DCDC2: variants seen among roughly 807,000 people sequenced by gnomAD.
The protein encoded by DCDC2 is doublecortin domain containing 2.
Under a neutral mutation model 50.2 loss-of-function variants are expected in DCDC2, and 40 were observed. The observed-to-expected ratio is 0.80, with a 90% CI of 0.62 to 1.04. DCDC2 has a LOEUF of 1.04. Among genes scored for constraint, DCDC2 ranks in the 50% least tolerant of loss-of-function variants. DCDC2 has a pLI of 0.00. For synonymous variants in DCDC2, 234 were observed against 210.6 expected (o/e 1.11, Z -0.96); for missense variants, 570 against 581.9 (o/e 0.98, Z 0.21).
chr6:24,190,649 C>G (rs930775342), intron 8 of DCDC2, among the ~76,000 whole-genome samples: 5 of 151,964 alleles, frequency 3.3e-5, no homozygotes, highest in Admixed American at 6.6e-5. Context: ...TGTTTAACAC[C>G]ATTTCTATCA....
intron 2 of DCDC2, among the ~76,000 whole-genome samples, chr6:24,335,168 C>T (rs549928473): frequency 6.6e-6 from 1 of 152,244 alleles, no homozygotes; most frequent in East Asian, 1.9e-4. Flanking sequence ...AAGGGAAGAC[C>T]TGGTACTTTG....
At position 24,304,956 on chromosome 6, in the gene DCDC2, G is replaced by A. The variant is rs78437387; in HGVS notation, c.349-2912C>T. Among the ~76,000 whole-genome samples, 81 of 152,228 alleles carry A rather than the reference G, an allele frequency of 5.3e-4. No homozygotes were observed. The East Asian group carries it at 0.015, about 28-fold the overall frequency. On this transcript the variant is annotated intron_variant, in intron 2 of 9. Coordinates refer to ENST00000378454, the MANE Select transcript of DCDC2 (RefSeq NM_016356.5). ...AGCAATGCACTAAGCACATACAGAG[G>A]ATGCTCTGCTGTTATCTCTTCAATA...
chr6:24,179,133 C>T (rs980569987), intron 8 of DCDC2, among the ~76,000 whole-genome samples: 4 of 152,088 alleles, frequency 2.6e-5, no homozygotes, highest in Non-Finnish European at 1.5e-5. Flanking sequence ...TGTTTTCTGA[C>T]GTGGAATGTA....
chr6:24,360,135 T>C (rs1760641671), upstream of DCDC2, among the ~76,000 whole-genome samples: 2 of 152,192 alleles, frequency 1.3e-5, no homozygotes, highest in Admixed American at 6.5e-5. Context: ...GGAACGGAGT[T>C]GTTATTTCCC....
intron 6 of DCDC2, among the ~76,000 whole-genome samples, chr6:24,280,922 G>GA (rs1487645615): frequency 2.0e-5 from 3 of 152,148 alleles, no homozygotes. Flanking sequence ...GTTCTGAGAT[G>GA]CTGTTGAACT....
At chr6:24,270,853 C>T (rs1763221719) in intron 7 of DCDC2, among the ~76,000 whole-genome samples, 1 of 152,054 alleles carries the variant, frequency 6.6e-6, no homozygotes, top group Non-Finnish European at 1.5e-5. Context: ...GCAGATAAAT[C>T]ATGCTTCAGT....
intron 2 of DCDC2, among the ~76,000 whole-genome samples, chr6:24,347,090 G>A (rs1338557044): frequency 6.6e-6 from 1 of 152,056 alleles, no homozygotes; most frequent in East Asian, 1.9e-4. Context: ...ATAACTTTAG[G>A]AAAATAGAAA....
At chr6:24,316,528 TA>T (rs1759669357) in intron 2 of DCDC2, among the ~76,000 whole-genome samples, 2 of 152,182 alleles carry the variant, frequency 1.3e-5, no homozygotes, top group African/African-American at 4.8e-5. Context: ...CAGAGTGCTT[TA>T]AGAAAACCTG....
chr6:24,190,185 C>T (rs1292566189), intron 8 of DCDC2, among the ~76,000 whole-genome samples: 1 of 152,112 alleles, frequency 6.6e-6, no homozygotes, highest in East Asian at 1.9e-4. Flanking sequence ...AAGCTGTGGC[C>T]AGTCACCTGG....
At chr6:24,191,942 CT>C (rs1761322008) in intron 8 of DCDC2, among the ~76,000 whole-genome samples, 2 of 152,150 alleles carry the variant, frequency 1.3e-5, no homozygotes, top group South Asian at 2.1e-4. Context: ...AGAAGCAAGC[CT>C]TTGCGTGCTT....
rs1328645989 is a variant in DCDC2 at position 24,174,104 on chromosome 6, C to T, written c.*626G>A. ...AAGCCTGAAAGCATTTAAGTGACGGCATGGCGATACTAGTCACTAACACTC... is the reference window on the plus strand; with the variant it reads ...AAGCCTGAAAGCATTTAAGTGACGGTATGGCGATACTAGTCACTAACACTC... On this transcript the variant is annotated 3_prime_UTR_variant, in exon 10 of 10. Coordinates refer to ENST00000378454, the MANE Select transcript of DCDC2 (RefSeq NM_016356.5). 4 of 152,230 alleles carry T rather than the reference C, an allele frequency of 2.6e-5. No individual in the cohort carries two copies. The highest frequency in any genetic ancestry group is 1.3e-4 in the Admixed American group (2 of 15,284). The allele number at this position is 152,230 out of a possible 1,614,324, so 9.4% of individuals were successfully genotyped here. A position where few individuals can be genotyped will look rare whatever the true frequency, so the allele number is the denominator to read the frequency against.
the DCDC2 span, among the ~76,000 whole-genome samples, chr6:24,375,036 C>T: frequency 2.5e-3 from 375 of 152,320 alleles, 3 homozygotes; most frequent in African/African-American, 8.7e-3. Context: ...CACCTTCCTA[C>T]TCTATCAGAA....
chr6:24,382,271 A>G, the DCDC2 span, among the ~76,000 whole-genome samples: 1 of 152,052 alleles, frequency 6.6e-6, no homozygotes, highest in Non-Finnish European at 1.5e-5. Context: ...CAAATACCTC[A>G]GGAATGATAT....
intron 7 of DCDC2, among the ~76,000 whole-genome samples, chr6:24,258,679 T>C (rs1048273653): frequency 5.3e-5 from 8 of 152,156 alleles, no homozygotes; most frequent in African/African-American, 1.2e-4. Context: ...TGGGTCTAAA[T>C]TTAAAATAGA....
intron 8 of DCDC2, among the ~76,000 whole-genome samples, chr6:24,196,258 A>C (rs1423472900): frequency 1.3e-5 from 2 of 150,578 alleles, no homozygotes; most frequent in African/African-American, 4.9e-5. Context: ...TCCTCAGATC[A>C]CTTGTCTGCC....
intron 7 of DCDC2, among the ~76,000 whole-genome samples, chr6:24,213,804 ACT>A (rs1761925327): frequency 6.6e-6 from 1 of 151,976 alleles, no homozygotes; most frequent in Admixed American, 6.6e-5. Flanking sequence ...GTATTAGCCA[ACT>A]CTCCTGGGAT....
intron 7 of DCDC2, among the ~76,000 whole-genome samples, chr6:24,261,529 G>C (rs1763009281): frequency 1.3e-5 from 2 of 152,074 alleles, no homozygotes; most frequent in African/African-American, 4.8e-5. Flanking sequence ...CAGTAATTGG[G>C]AGACAGACAT....
chr6:24,322,179 G>C (rs1347428879), intron 2 of DCDC2, among the ~76,000 whole-genome samples: 4 of 152,032 alleles, frequency 2.6e-5, no homozygotes, highest in Non-Finnish European at 5.9e-5. Flanking sequence ...ACAATGCACT[G>C]AACAGGGAAC....
the DCDC2 span, among the ~76,000 whole-genome samples, chr6:24,365,337 G>T: frequency 5.3e-5 from 8 of 152,354 alleles, no homozygotes; most frequent in African/African-American, 1.9e-4. Context: ...CGTCACCCAG[G>T]TTGGAGTGCA....
Sources: allele counts gnomAD v4.1 joint callset (sites outside exome capture counted in the v4.1 genomes callset), GRCh38; gene constraint gnomAD v4.1.1; transcripts MANE v1.5; gene names NCBI Gene and HGNC (gene_info 2026-07-23, HGNC 2026-07-21).